The following PKN2 variants were observed in gnomAD, a reference collection of about 807,000 sequenced individuals.
PKN2 encodes the protein protein kinase N2.
In PKN2, 38 loss-of-function variants were observed where a neutral mutation model predicts 119.1. That is an observed-to-expected ratio of 0.32 (90% confidence interval 0.25 to 0.42). The LOEUF (loss-of-function observed/expected upper bound fraction) is 0.42, where lower values mean the gene tolerates loss of function less well. Ranked by LOEUF, PKN2 falls within the 10% of genes least tolerant of loss-of-function variation. PKN2 has a pLI of 1.00. For synonymous variants in PKN2, 390 were observed against 384.9 expected (o/e 1.01, Z -0.15); for missense variants, 850 against 1,165.1 (o/e 0.73, Z 3.94).
At position 88,784,646 on chromosome 1, in the gene PKN2, G is replaced by A. The variant is rs1270647184; in HGVS notation, c.993G>A (p.Leu331=). 6.4e-7 allele frequency: 1 copy of A among 1,566,690 alleles called. No homozygotes were observed. Among genetic ancestry groups the A allele is most frequent in the Non-Finnish European group, 8.6e-7 (1 of 1,156,604 alleles). Residue 331 remains leucine (L), a synonymous_variant, in exon 7 of 22, where the codon TTG becomes TTA. Coordinates refer to ENST00000370521, the MANE Select transcript of PKN2 (RefSeq NM_006256.4). ...LSKPAALTGT[L]EVRLMGCQDI... ...ATTTATGTTTGCCAACAGGTACTTT[G>A]GAAGTTCGTCTTATGGGCTGCCAAG... is the stretch of plus-strand genomic sequence containing the variant.
intron 1 of PKN2, among the ~76,000 whole-genome samples, chr1:88,686,832 C>G (rs1666122589): frequency 6.6e-6 from 1 of 152,016 alleles, no homozygotes; most frequent in Non-Finnish European, 1.5e-5. Flanking sequence ...TCAAGATTCA[C>G]TTTTTTAAAA....
intron 15 of PKN2, among the ~76,000 whole-genome samples, chr1:88,810,347 C>CG (rs1671732084): frequency 6.6e-6 from 1 of 151,832 alleles, no homozygotes; most frequent in Non-Finnish European, 1.5e-5. Flanking sequence ...GTCTCAAACT[C>CG]CTGAGCTCAG....
intron 1 of PKN2, among the ~76,000 whole-genome samples, chr1:88,688,555 T>G (rs1666205051): frequency 6.6e-6 from 1 of 152,210 alleles, no homozygotes; most frequent in Admixed American, 6.5e-5. Context: ...ATTTCTACAT[T>G]CCACTTGGTA....
intron 3 of PKN2, among the ~76,000 whole-genome samples, chr1:88,768,943 G>GA (rs1299563891): frequency 2.6e-5 from 4 of 152,218 alleles, no homozygotes; most frequent in African/African-American, 7.2e-5. Context: ...CATCTGGTGA[G>GA]AGGGAGCAAG....
intron 2 of PKN2, among the ~76,000 whole-genome samples, chr1:88,746,455 A>C (rs994045528): frequency 2.0e-5 from 3 of 152,038 alleles, no homozygotes; most frequent in African/African-American, 4.8e-5. Flanking sequence ...GGACCTGAGT[A>C]GACATTTATC....
At chr1:88,799,237 C>T (rs1475377605) in intron 8 of PKN2, among the ~76,000 whole-genome samples, 3 of 152,060 alleles carry the variant, frequency 2.0e-5, no homozygotes, top group Non-Finnish European at 4.4e-5. Context: ...TATAGCAGGC[C>T]GACTTTTCCT....
At position 88,833,750 on chromosome 1, in the gene PKN2, GA is replaced by G. The variant is rs1371635372; in HGVS notation, c.*309del. 32 of 259,884 alleles carry G rather than the reference GA, an allele frequency of 1.2e-4. No individual in the cohort carries two copies. The South Asian group carries it at 1.9e-3, about 15-fold the overall frequency. The allele number at this position is 259,884 out of a possible 1,614,324, so 16.1% of individuals were successfully genotyped here. ...TCAATAGTCTATTTTTAAAAAGAAAGAAAAAAACCACTTTTTTATAGTCCCT... is the reference window on the plus strand; with the variant it reads ...TCAATAGTCTATTTTTAAAAAGAAAGAAAAAACCACTTTTTTATAGTCCCT... On this transcript the variant is annotated 3_prime_UTR_variant, in exon 22 of 22. Transcript: ENST00000370521.
intron 1 of PKN2, among the ~76,000 whole-genome samples, chr1:88,726,042 A>G (rs1282249128): frequency 6.6e-6 from 1 of 152,186 alleles, no homozygotes; most frequent in Non-Finnish European, 1.5e-5. Flanking sequence ...ATTTTTGTAT[A>G]TGGCTCTTGT....
At chr1:88,724,485 CT>C (rs1168636852) in intron 1 of PKN2, among the ~76,000 whole-genome samples, 1 of 151,460 alleles carries the variant, frequency 6.6e-6, no homozygotes, top group African/African-American at 2.4e-5. Context: ...TTCTGATTTA[CT>C]TTTTCCTGGT....
At position 88,832,836 on chromosome 1, in the gene PKN2, T is replaced by C. The variant is rs774823373; in HGVS notation, c.2655T>C (p.Ile885=). 1 of 1,559,658 alleles carries C rather than the reference T, an allele frequency of 6.4e-7. No homozygotes were observed. The highest frequency in any genetic ancestry group is 8.8e-7 in the Non-Finnish European group (1 of 1,137,636). ...RYPRFLSTEA[I]SIMRRLLRRN... is the part of the protein sequence containing the mutation. The stretch of plus-strand genomic sequence containing the variant: ...CAAGGTTCTTATCTACAGAAGCCAT[T>C]TCTATAATGAGAAGGGTAAGAATTA... Residue 885 remains isoleucine, a synonymous_variant, in exon 20 of 22, where the codon ATT becomes ATC. Transcript: ENST00000370521.
Position 88,770,356 on chromosome 1 carries a change from G to A in PKN2, c.509G>A (p.Arg170Gln), listed in dbSNP as rs768782342. Residue 170 changes from arginine to glutamine, a missense_variant, in exon 4 of 22, where the codon CGG (arginine) becomes CAG (glutamine). By Grantham distance (43) the Arg-to-Gln change is conservative. Around this residue, in one of 9 missense-constraint regions of PKN2, gnomAD observed 350 missense variants for 511.1 expected, o/e 0.68. Transcript: ENST00000370521. ...QMYSNGSSKD[R>Q]KLHGTAQQLL... ...TCAAACTTATTTTTTTAATAGGATC[G>A]GAAACTCCATGGTACAGCTCAGCAA... 5.0e-6 allele frequency: 8 copies of A among 1,592,598 alleles called. No homozygotes were observed. Among genetic ancestry groups the A allele is most frequent in the East Asian group, 2.2e-5 (1 of 44,778 alleles).
At position 88,820,540 on chromosome 1, in the gene PKN2, AAAAT is replaced by A. The variant is rs372601823; in HGVS notation, c.2280-1393_2280-1390del. 6.7e-3 allele frequency among the ~76,000 whole-genome samples: 996 copies of A among 148,552 alleles called. 11 individuals carry two copies. Among genetic ancestry groups the A allele is most frequent in the South Asian group, 0.066 (318 of 4,796 alleles). ...AAGAGCAAAACTCCATCTCAAAAAA[AAAAT>A]AAATAAAATAAATAAATAAAAATTA... On this transcript the variant is annotated intron_variant, in intron 16 of 21. Transcript: ENST00000370521.
At chr1:88,817,427 G>T (rs1256682989) in intron 16 of PKN2, among the ~76,000 whole-genome samples, 1 of 145,042 alleles carries the variant, frequency 6.9e-6, no homozygotes, top group East Asian at 2.0e-4. Flanking sequence ...AAAAAAAAAG[G>T]CCGGGTGAGG....
Position 88,835,827 on chromosome 1 carries a change from C to A in PKN2, c.*2379C>A, listed in dbSNP as rs1192642955. 1 of 152,426 alleles carries A rather than the reference C, an allele frequency of 6.6e-6. No individual in the cohort carries two copies. The highest frequency in any genetic ancestry group is 1.5e-5 in the Non-Finnish European group (1 of 67,944). 9.4% of individuals were successfully genotyped at this position (152,426 alleles called of 1,614,324 possible). A position where few individuals can be genotyped will look rare whatever the true frequency, so the allele number is the denominator to read the frequency against. On this transcript the variant is annotated 3_prime_UTR_variant, in exon 22 of 22. Transcript: ENST00000370521. Reference sequence around the variant, plus strand: ...GTAACTTTGGTTTTAAGTATTCTTTCCTTTTAGAAACTTCCTAATGATTAA... The same window carrying A: ...GTAACTTTGGTTTTAAGTATTCTTTACTTTTAGAAACTTCCTAATGATTAA...
chr1:88,833,212 A>C, intron 21 of PKN2, 33 bp from the exon 22 acceptor site: 1 of 1,578,364 alleles, frequency 6.3e-7, no homozygotes, highest in Non-Finnish European at 8.6e-7. Context: ...GATTTAACAA[A>C]CTAAACTAGT....
In PKN2 at chr1:88,805,953, G is replaced by C. The variant is rs377246617; in HGVS notation, c.1739G>C (p.Arg580Pro). ...LEPEPPPAPP[R>P]ASSLGEIDES... ...CCTGAACCTCCTCCAGCCCCACCAC[G>C]AGCTTCTTCTCTTGGAGAAATAGAT... Residue 580 changes from arginine to proline, a missense_variant, in exon 12 of 22, where the codon CGA (arginine) becomes CCA (proline). Around this residue, in one of 9 missense-constraint regions of PKN2, gnomAD observed 216 missense variants for 252.8 expected, o/e 0.85. Transcript: ENST00000370521. 1 of 1,613,238 alleles carries C rather than the reference G, an allele frequency of 6.2e-7. No individual in the cohort carries two copies. Among genetic ancestry groups the C allele is most frequent in the African/African-American group, 1.3e-5 (1 of 74,886 alleles).
intron 9 of PKN2, 84 bp from the exon 10 acceptor site, chr1:88,804,762 C>A: frequency 1.2e-6 from 1 of 827,434 alleles, no homozygotes; most frequent in Non-Finnish European, 1.9e-6. Context: ...AACTAAGATT[C>A]TCTTAAGCTT....
At chr1:88,731,691 A>G (rs1430789100) in intron 1 of PKN2, among the ~76,000 whole-genome samples, 2 of 152,226 alleles carry the variant, frequency 1.3e-5, no homozygotes, top group African/African-American at 2.4e-5. Flanking sequence ...ATTTCTTGGC[A>G]TCTATCAGGT....
chr1:88,760,646 G>A (rs983846662), intron 3 of PKN2, among the ~76,000 whole-genome samples: 1 of 151,444 alleles, frequency 6.6e-6, no homozygotes, highest in African/African-American at 2.4e-5. Flanking sequence ...ATTTAGTGCT[G>A]TTTTTTTTCA....
Sources: gnomAD v4.1 joint callset for allele counts (sites outside exome capture counted in the v4.1 genomes callset) on GRCh38, gnomAD v4.1.1 for gene constraint, gnomAD v4.1.1 regional missense constraint, MANE v1.5 for transcripts, NCBI Gene and HGNC (gene_info 2026-07-23, HGNC 2026-07-21) for gene names.